CRCT1: variants seen among roughly 807,000 people sequenced by gnomAD.
CRCT1 encodes the protein cysteine-rich C-terminal protein 1.
For synonymous variants in CRCT1, 86 were observed against 60.3 expected (o/e 1.43, Z -1.98); for missense variants, 160 against 136.3 (o/e 1.17, Z -0.87).
intron 1 of CRCT1, among the ~76,000 whole-genome samples, chr1:152,515,109 G>GTC (rs1658709650): frequency 6.6e-6 from 1 of 152,346 alleles, no homozygotes; most frequent in Admixed American, 6.5e-5. Flanking sequence ...AACTTGAGCA[G>GTC]TCTTCTTCTA....
At chr1:152,515,271 G>A in intron 1 of CRCT1, 91 bp from the exon 2 acceptor site, 1 of 1,153,284 alleles carries the variant, frequency 8.7e-7, no homozygotes, top group South Asian at 1.6e-5. Flanking sequence ...AGGCTGACTT[G>A]TACACTAAGC....
rs773688163 is a variant in CRCT1, at chr1:152,515,479, G to T, written c.96G>T (p.Ala32=). The change falls in exon 2 of 2, where the codon GCG becomes GCT. Residue 32 remains alanine, a synonymous_variant. Transcript: ENST00000368790. ...GTCCCGCCCCGGCGCCCACCCCGGC[G>T]CCCGCCTCCTCCTCCTCCTGCTGCG... is the stretch of plus-strand genomic sequence containing the variant. ...APCPAPAPTP[A]PASSSSCCGS... 4 of 1,600,710 alleles carry T rather than the reference G, an allele frequency of 2.5e-6. No individual in the cohort carries two copies. The South Asian group carries it at 3.3e-5, about 13-fold the overall frequency.
In CRCT1 at chr1:152,515,853, C is replaced by T; in HGVS notation, c.*170C>T. On this transcript the variant is annotated 3_prime_UTR_variant, in exon 2 of 2. Coordinates refer to ENST00000368790, the MANE Select transcript of CRCT1 (RefSeq NM_019060.3). ...TCTCAGCCACGCAAAACTCCCTGAC[C>T]CCGATGTGATTTTTCTCCCCGGGGA... The T allele has an allele frequency of 2.6e-6, 3 of 1,155,132 alleles. No individual in the cohort carries two copies. In the South Asian group the frequency reaches 6.0e-5, roughly 23 times the overall value. 71.6% of individuals were successfully genotyped at this position (1,155,132 alleles called of 1,614,324 possible). A position where few individuals can be genotyped will look rare whatever the true frequency, so the allele number is the denominator to read the frequency against.
At position 152,515,527 on chromosome 1, in the gene CRCT1, C is replaced by G; in HGVS notation, c.144C>G (p.Gly48=). 6.3e-7 allele frequency: 1 copy of G among 1,596,622 alleles called. No individual in the cohort carries two copies. The change falls in exon 2 of 2, where the codon GGC becomes GGG. Residue 48 remains glycine, a synonymous_variant. Transcript: ENST00000368790. The part of the protein sequence containing the change: ...SCCGSGRGCC[G]DSGCCGSSST... ...GCGGCTCCGGCAGGGGCTGCTGCGG[C>G]GACTCAGGCTGCTGCGGCTCCAGCT...
Position 152,515,839 on chromosome 1 carries a change from C to G in CRCT1, c.*156C>G. 2 of 1,241,324 alleles carry G rather than the reference C, an allele frequency of 1.6e-6. No individual in the cohort carries two copies. Among genetic ancestry groups the G allele is most frequent in the Non-Finnish European group, 2.1e-6 (2 of 933,598 alleles). The allele number at this position is 1,241,324 out of a possible 1,614,324, so 76.9% of individuals were successfully genotyped here. On this transcript the variant is annotated 3_prime_UTR_variant, in exon 2 of 2. Coordinates refer to ENST00000368790, the MANE Select transcript of CRCT1 (RefSeq NM_019060.3). ...GAAACCCACTTTGTTCTCAGCCACG[C>G]AAAACTCCCTGACCCCGATGTGATT... is the stretch of plus-strand genomic sequence containing the variant.
chr1:152,514,963 G>T (rs1391572009), intron 1 of CRCT1, among the ~76,000 whole-genome samples: 1 of 152,186 alleles, frequency 6.6e-6, no homozygotes, highest in Non-Finnish European at 1.5e-5. Flanking sequence ...ACTGATGGGG[G>T]TGTAGTAACT....
chr1:152,515,510 G>T lies in CRCT1; in HGVS notation c.127G>T (p.Gly43Cys), dbSNP rs760858302. Reference protein sequence around the residue: ...PASSSSCCGSGRGCCGDSGCC... With the variant: ...PASSSSCCGSCRGCCGDSGCC... The stretch of plus-strand genomic sequence containing the variant: ...CTCCTCCTCCTCCTGCTGCGGCTCC[G>T]GCAGGGGCTGCTGCGGCGACTCAGG... Residue 43 changes from glycine to cysteine, a missense_variant, in exon 2 of 2, where the codon GGC (glycine) becomes TGC (cysteine). Coordinates refer to ENST00000368790, the MANE Select transcript of CRCT1 (RefSeq NM_019060.3). The T allele has an allele frequency of 2.5e-6, 4 of 1,597,904 alleles. No individual in the cohort carries two copies. In the South Asian group the frequency reaches 3.3e-5, roughly 13 times the overall value.
At chr1:152,515,248 C>T in intron 1 of CRCT1, 114 bp from the exon 2 acceptor site, 6 of 890,562 alleles carry the variant, frequency 6.7e-6, no homozygotes, top group Non-Finnish European at 8.0e-6. Flanking sequence ...CTTTTCCCTC[C>T]TTGTCCCAGG....
At chr1:152,514,966 T>A (rs1658706245) in intron 1 of CRCT1, among the ~76,000 whole-genome samples, 1 of 151,972 alleles carries the variant, frequency 6.6e-6, no homozygotes, top group South Asian at 2.1e-4. Flanking sequence ...GATGGGGGTG[T>A]AGTAACTAGG....
rs757675460 is a variant in CRCT1 at position 152,515,621 on chromosome 1, G to T, written c.238G>T (p.Gly80Cys). 1.3e-6 allele frequency: 2 copies of T among 1,585,026 alleles called. No homozygotes were observed. Among genetic ancestry groups the T allele is most frequent in the Admixed American group, 1.7e-5 (1 of 57,730 alleles). Residue 80 changes from glycine to cysteine, a missense_variant, in exon 2 of 2, where the codon GGC becomes TGC. Physicochemically the swap from Gly to Cys is radical, Grantham distance 159. Coordinates refer to ENST00000368790, the MANE Select transcript of CRCT1 (RefSeq NM_019060.3). ...QRSSGCCCCG[G>C]GSQRSQRSNN... is the part of the protein sequence containing the mutation. ...GAGTAGTGGTTGCTGCTGCTGCGGG[G>T]GCGGCAGCCAGAGGTCCCAGCGCTC... is the stretch of plus-strand genomic sequence containing the variant.
At position 152,515,871 on chromosome 1, in the gene CRCT1, C is replaced by T. The variant is rs1391702116; in HGVS notation, c.*188C>T. On this transcript the variant is annotated 3_prime_UTR_variant, in exon 2 of 2. Transcript: ENST00000368790. ...CCCTGACCCCGATGTGATTTTTCTC[C>T]CCGGGGATTCGAGAGCCATGCGTGG... 3.9e-6 allele frequency: 4 copies of T among 1,033,436 alleles called. No homozygotes were observed. In the South Asian group the frequency reaches 6.4e-5, roughly 17 times the overall value. 64.0% of individuals were successfully genotyped at this position (1,033,436 alleles called of 1,614,324 possible). A position where few individuals can be genotyped will look rare whatever the true frequency, so the allele number is the denominator to read the frequency against.
Position 152,515,774 on chromosome 1 carries a change from C to T in CRCT1, c.*91C>T, listed in dbSNP as rs566135106. 22 of 1,415,000 alleles carry T rather than the reference C, an allele frequency of 1.6e-5. No homozygotes were observed. The East Asian group carries it at 5.0e-4, about 32-fold the overall frequency. The allele number at this position is 1,415,000 out of a possible 1,614,324, so 87.7% of individuals were successfully genotyped here. On this transcript the variant is annotated 3_prime_UTR_variant, in exon 2 of 2. Transcript: ENST00000368790. ...GCGGCTCCCACGCGGGGCTGGGCCTCGGAGTTTGCCCCGTAAAGCGAATTG... is the reference window on the plus strand; with the variant it reads ...GCGGCTCCCACGCGGGGCTGGGCCTTGGAGTTTGCCCCGTAAAGCGAATTG...
Position 152,515,999 on chromosome 1 carries a change from C to G in CRCT1, c.*316C>G, listed in dbSNP as rs1002177519. 1 of 321,068 alleles carries G rather than the reference C, an allele frequency of 3.1e-6. No individual in the cohort carries two copies. Among genetic ancestry groups the G allele is most frequent in the Non-Finnish European group, 5.9e-6 (1 of 169,020 alleles). 19.9% of individuals were successfully genotyped at this position (321,068 alleles called of 1,614,324 possible). ...GAAGATGTCATAATAAAGCTTCTAC[C>G]TCCTGAGAACACCTTTTATTTGTTC... On this transcript the variant is annotated 3_prime_UTR_variant, in exon 2 of 2. Coordinates refer to ENST00000368790, the MANE Select transcript of CRCT1 (RefSeq NM_019060.3).
At chr1:152,514,964 TGTA>T (rs374814652) in intron 1 of CRCT1, among the ~76,000 whole-genome samples, 37 of 152,078 alleles carry the variant, frequency 2.4e-4, no homozygotes, top group African/African-American at 8.9e-4. Flanking sequence ...CTGATGGGGG[TGTA>T]GTAACTAGGA....
At position 152,515,465 on chromosome 1, in the gene CRCT1, G is replaced by A; in HGVS notation, c.82G>A (p.Ala28Thr). ...GGGCCCCGCTCCGTGTCCCGCCCCG[G>A]CGCCCACCCCGGCGCCCGCCTCCTC... The part of the protein sequence containing the change: ...SQGPAPCPAP[A>T]PTPAPASSSS... The change falls in exon 2 of 2, where the codon GCG becomes ACG. Residue 28 changes from alanine to threonine, a missense_variant. Coordinates refer to ENST00000368790, the MANE Select transcript of CRCT1 (RefSeq NM_019060.3). The A allele has an allele frequency of 6.2e-7, 1 of 1,602,648 alleles. No individual in the cohort carries two copies. The highest frequency in any genetic ancestry group is 8.5e-7 in the Non-Finnish European group (1 of 1,177,254).
chr1:152,514,895 C>A (rs913110376), intron 1 of CRCT1, among the ~76,000 whole-genome samples: 2 of 152,050 alleles, frequency 1.3e-5, no homozygotes, highest in Non-Finnish European at 2.9e-5. Context: ...ATGCTTCTGG[C>A]CTGTGGATTA....
chr1:152,514,661 G>C (rs1367008212), intron 1 of CRCT1, 109 bp downstream of exon 1: 1 of 152,300 alleles, frequency 6.6e-6, no homozygotes, highest in Non-Finnish European at 1.5e-5. Flanking sequence ...TGTCCCGCAA[G>C]GCACCTACGC....
In CRCT1 at chr1:152,515,986, A is replaced by C; in HGVS notation, c.*303A>C. 1 of 350,024 alleles carries C rather than the reference A, an allele frequency of 2.9e-6. No homozygotes were observed. The highest frequency in any genetic ancestry group is 5.3e-6 in the Non-Finnish European group (1 of 187,460). The allele number at this position is 350,024 out of a possible 1,614,324, so 21.7% of individuals were successfully genotyped here. A position where few individuals can be genotyped will look rare whatever the true frequency, so the allele number is the denominator to read the frequency against. ...TTGATTGTCTTTTGAAGATGTCATA[A>C]TAAAGCTTCTACCTCCTGAGAACAC... On this transcript the variant is annotated 3_prime_UTR_variant, in exon 2 of 2. Coordinates refer to ENST00000368790, the MANE Select transcript of CRCT1 (RefSeq NM_019060.3).
In CRCT1 at chr1:152,515,786, C is replaced by T. The variant is rs1026808378; in HGVS notation, c.*103C>T. ...CGGGGCTGGGCCTCGGAGTTTGCCC[C>T]GTAAAGCGAATTGCACTTTGATGTT... On this transcript the variant is annotated 3_prime_UTR_variant, in exon 2 of 2. Transcript: ENST00000368790. The T allele has an allele frequency of 7.1e-6, 10 of 1,413,908 alleles. 1 individual carries two copies. In the African/African-American group the frequency reaches 1.5e-4, roughly 21 times the overall value. 87.6% of individuals were successfully genotyped at this position (1,413,908 alleles called of 1,614,324 possible).
Sources: gnomAD v4.1 joint callset for allele counts (sites outside exome capture counted in the v4.1 genomes callset) on GRCh38, gnomAD v4.1.1 for gene constraint, MANE v1.5 for transcripts, NCBI Gene and HGNC (gene_info 2026-07-23, HGNC 2026-07-21) for gene names.